Variants in RAP1A observed in about 807,000 individuals in gnomAD.
RAP1A encodes ras-related protein Rap-1A.
RAP1A carries 6 observed loss-of-function variants against 26.4 expected under a neutral mutation model. The observed-to-expected ratio is 0.23, with a 90% CI of 0.12 to 0.45. The LOEUF (loss-of-function observed/expected upper bound fraction) is 0.45. Ranked by LOEUF, RAP1A falls within the 20% of genes least tolerant of loss-of-function variation. RAP1A has a pLI of 0.99. For synonymous variants in RAP1A, 73 were observed against 79.4 expected (o/e 0.92, Z 0.43); for missense variants, 121 against 217.2 (o/e 0.56, Z 2.78).
chr1:111,707,317 T>G (rs1017103668), intron 6 of RAP1A, among the ~76,000 whole-genome samples: 2 of 152,210 alleles, frequency 1.3e-5, no homozygotes, highest in African/African-American at 2.4e-5. Context: ...TTATTTGCCA[T>G]CTATCTTAAA....
intron 1 of RAP1A, among the ~76,000 whole-genome samples, chr1:111,568,510 C>A (rs1657973992): frequency 6.6e-6 from 1 of 152,166 alleles, no homozygotes; most frequent in South Asian, 2.1e-4. Context: ...TCCCACCAGG[C>A]CCCACCTCCA....
intron 1 of RAP1A, among the ~76,000 whole-genome samples, chr1:111,656,623 A>G (rs1660468940): frequency 6.6e-6 from 1 of 152,142 alleles, no homozygotes; most frequent in Admixed American, 6.5e-5. Flanking sequence ...TCTCAGTCGC[A>G]TCTTAATTTA....
At chr1:111,644,434 C>G (rs1012781650) in intron 1 of RAP1A, among the ~76,000 whole-genome samples, 1 of 152,110 alleles carries the variant, frequency 6.6e-6, no homozygotes, top group African/African-American at 2.4e-5. Flanking sequence ...TCACATCACT[C>G]TAAGATTCAG....
rs1269134886 is a variant in RAP1A, at chr1:111,716,095, C to T, written c.*3694C>T. 6.6e-6 allele frequency: 1 copy of T among 152,112 alleles called. No homozygotes were observed. The highest frequency in any genetic ancestry group is 1.5e-5 in the Non-Finnish European group (1 of 68,000). 9.4% of individuals were successfully genotyped at this position (152,112 alleles called of 1,614,324 possible). The stretch of plus-strand genomic sequence containing the variant: ...AGGAGGAAAATAATTTGTAAAATAA[C>T]CTTTTTAAGAATTTGGATTTTGTAC... On this transcript the variant is annotated 3_prime_UTR_variant, in exon 8 of 8. Coordinates refer to ENST00000369709, the MANE Select transcript of RAP1A (RefSeq NM_002884.4).
intron 1 of RAP1A, among the ~76,000 whole-genome samples, chr1:111,682,496 T>C (rs1391983308): frequency 1.5e-5 from 2 of 130,514 alleles, no homozygotes; most frequent in African/African-American, 5.5e-5. Context: ...ACCAAGCAAA[T>C]GGAAAGCCAA....
intron 1 of RAP1A, among the ~76,000 whole-genome samples, chr1:111,585,782 T>A (rs1312704710): frequency 1.3e-5 from 2 of 152,214 alleles, no homozygotes; most frequent in African/African-American, 2.4e-5. Flanking sequence ...TCATATATCA[T>A]CTACACTAAG....
intron 1 of RAP1A, among the ~76,000 whole-genome samples, chr1:111,571,400 G>C (rs193046108): frequency 4.7e-4 from 71 of 152,176 alleles, no homozygotes; most frequent in African/African-American, 1.7e-3. Context: ...TCAGGGGATG[G>C]GACTGAAAGT....
At chr1:111,697,126 A>C (rs1201244079) in intron 3 of RAP1A, among the ~76,000 whole-genome samples, 1 of 152,172 alleles carries the variant, frequency 6.6e-6, no homozygotes, top group Non-Finnish European at 1.5e-5. Context: ...TGTTAGAACT[A>C]TACTTGTTCG....
intron 1 of RAP1A, among the ~76,000 whole-genome samples, chr1:111,666,588 AAAT>A (rs1264844315): frequency 5.9e-5 from 9 of 152,208 alleles, no homozygotes; most frequent in Non-Finnish European, 1.3e-4. Flanking sequence ...TATATGTGGC[AAAT>A]AATTTGAATG....
intron 4 of RAP1A, among the ~76,000 whole-genome samples, chr1:111,701,840 C>T (rs998809834): frequency 2.6e-5 from 4 of 152,196 alleles, no homozygotes; most frequent in East Asian, 1.9e-4. Context: ...ATTATATAAA[C>T]ATTTGGACAG....
At chr1:111,657,676 CCA>C in intron 1 of RAP1A, among the ~76,000 whole-genome samples, 1 of 152,206 alleles carries the variant, frequency 6.6e-6, no homozygotes, top group Non-Finnish European at 1.5e-5. Flanking sequence ...ATGTGAATAT[CCA>C]GTTTTTCTAG....
chr1:111,591,644 T>A (rs1658473439), intron 1 of RAP1A, among the ~76,000 whole-genome samples: 1 of 152,230 alleles, frequency 6.6e-6, no homozygotes, highest in Non-Finnish European at 1.5e-5. Flanking sequence ...AAGCTTTTTT[T>A]AAAAACCGAT....
intron 7 of RAP1A, among the ~76,000 whole-genome samples, chr1:111,710,521 G>T (rs1044671351): frequency 6.6e-6 from 1 of 152,150 alleles, no homozygotes. Context: ...TACTAAACTT[G>T]GTCTCCAGTT....
At chr1:111,708,049 G>T (rs1259314354) in intron 6 of RAP1A, among the ~76,000 whole-genome samples, 1 of 152,096 alleles carries the variant, frequency 6.6e-6, no homozygotes, top group Admixed American at 6.6e-5. Flanking sequence ...CGTGGTGCAC[G>T]CTGTAGCTCC....
chr1:111,684,787 A>G (rs1286825094), intron 1 of RAP1A, among the ~76,000 whole-genome samples: 1 of 152,208 alleles, frequency 6.6e-6, no homozygotes, highest in African/African-American at 2.4e-5. Context: ...AGCTACTTCA[A>G]ATTTCATATG....
At chr1:111,547,484 A>G (rs1657076274) in intron 1 of RAP1A, among the ~76,000 whole-genome samples, 1 of 152,144 alleles carries the variant, frequency 6.6e-6, no homozygotes. Flanking sequence ...AAATGGAGTT[A>G]AAAAATATAA....
chr1:111,555,177 C>T (rs568667561), intron 1 of RAP1A, among the ~76,000 whole-genome samples: 75 of 151,692 alleles, frequency 4.9e-4, no homozygotes, highest in African/African-American at 1.7e-3. Context: ...ACTAGCCTGG[C>T]CAACGTGACA....
chr1:111,707,010 G>A (rs967111886), intron 6 of RAP1A, among the ~76,000 whole-genome samples: 4 of 152,190 alleles, frequency 2.6e-5, no homozygotes, highest in African/African-American at 9.6e-5. Flanking sequence ...AGCACATTGA[G>A]TTCTTGAAGT....
intron 1 of RAP1A, among the ~76,000 whole-genome samples, chr1:111,664,371 C>T (rs1660726577): frequency 2.1e-5 from 1 of 48,606 alleles, no homozygotes; most frequent in South Asian, 1.2e-3. Context: ...GAGACTCCGT[C>T]TCAAAAAAAA....
Sources: gnomAD v4.1 joint callset for allele counts (sites outside exome capture counted in the v4.1 genomes callset) on GRCh38, gnomAD v4.1.1 for gene constraint, MANE v1.5 for transcripts, NCBI Gene and HGNC (gene_info 2026-07-23, HGNC 2026-07-21) for gene names.